Variants in SLC24A3 observed in about 807,000 individuals in gnomAD.
SLC24A3 encodes the protein solute carrier family 24 member 3.
In SLC24A3, 28 loss-of-function variants were observed where a neutral mutation model predicts 75.8. The ratio of observed to expected loss-of-function variants is 0.37; its 90% CI spans 0.27 to 0.51. The LOEUF (loss-of-function observed/expected upper bound fraction) is 0.51, where lower values mean the gene tolerates loss of function less well. SLC24A3 is among the 20% of genes least tolerant of loss of function. The pLI, the probability that SLC24A3 is intolerant of heterozygous loss-of-function variation, is 0.94. For missense variants in SLC24A3, 663 were observed against 847.8 expected (o/e 0.78, Z 2.71); for synonymous variants, 372 against 334.1 (o/e 1.11, Z -1.24).
chr20:19,450,879 G>A (rs1376089467), intron 2 of SLC24A3, among the ~76,000 whole-genome samples: 1 of 152,094 alleles, frequency 6.6e-6, no homozygotes, highest in Admixed American at 6.5e-5. Flanking sequence ...CACACCTGTA[G>A]CCCCAGCTAC....
intron 2 of SLC24A3, among the ~76,000 whole-genome samples, chr20:19,458,494 T>A (rs1176164236): frequency 3.3e-5 from 5 of 152,224 alleles, no homozygotes; most frequent in Non-Finnish European, 7.3e-5. Context: ...CTTGCAAAAC[T>A]GAAACTCATC....
chr20:19,588,517 T>C (rs962555132), intron 6 of SLC24A3, among the ~76,000 whole-genome samples: 12 of 152,240 alleles, frequency 7.9e-5, no homozygotes, highest in African/African-American at 2.7e-4. Context: ...TTTGCAAACA[T>C]AACCCTCGCT....
At chr20:19,248,005 C>T (rs1331649617) in intron 1 of SLC24A3, among the ~76,000 whole-genome samples, 1 of 152,102 alleles carries the variant, frequency 6.6e-6, no homozygotes, top group Non-Finnish European at 1.5e-5. Context: ...CATGGAGAAA[C>T]CCATCCTTTA....
intron 2 of SLC24A3, among the ~76,000 whole-genome samples, chr20:19,484,098 A>G (rs1014235155): frequency 2.3e-4 from 35 of 152,336 alleles, no homozygotes; most frequent in African/African-American, 7.7e-4. Flanking sequence ...CCAAAAGATA[A>G]ATGGATAAAT....
chr20:19,639,525 T>A (rs1470988896), intron 6 of SLC24A3, among the ~76,000 whole-genome samples: 1 of 152,186 alleles, frequency 6.6e-6, no homozygotes, highest in Non-Finnish European at 1.5e-5. Flanking sequence ...ACATAAAGGT[T>A]CTCCACGTCC....
chr20:19,707,351 C>A (rs955555291), intron 15 of SLC24A3, among the ~76,000 whole-genome samples: 3 of 152,182 alleles, frequency 2.0e-5, no homozygotes, highest in African/African-American at 7.2e-5. Flanking sequence ...CAGTGGAAAG[C>A]TAAGCAAGAG....
At position 19,342,016 on chromosome 20, in the gene SLC24A3, G is replaced by C. The variant is rs374810563; in HGVS notation, c.271+60929G>C. Reference sequence around the variant, plus strand: ...AGATAGCATTAAAAGCACTTTAATAGTTTATAAAATACTAGTTGTTGTTAT... The same window carrying C: ...AGATAGCATTAAAAGCACTTTAATACTTTATAAAATACTAGTTGTTGTTAT... On this transcript the variant is annotated intron_variant, in intron 2 of 16. Transcript: ENST00000328041. Among the ~76,000 whole-genome samples, 58 of 152,298 alleles carry C rather than the reference G, an allele frequency of 3.8e-4. No homozygotes were observed. In the South Asian group the frequency reaches 0.011, roughly 30 times the overall value.
chr20:19,557,555 A>G (rs1437190356), intron 3 of SLC24A3, among the ~76,000 whole-genome samples: 2 of 152,200 alleles, frequency 1.3e-5, no homozygotes, highest in East Asian at 3.9e-4. Flanking sequence ...TTCAGCTCCC[A>G]TAAGCCGTCT....
chr20:19,678,507 G>C, intron 9 of SLC24A3, among the ~76,000 whole-genome samples: 1 of 133,414 alleles, frequency 7.5e-6, no homozygotes. Flanking sequence ...CTGGCCGGGC[G>C]GGGGGCTGAC....
chr20:19,526,871 C>A (rs138777273), intron 3 of SLC24A3, among the ~76,000 whole-genome samples: 326 of 152,284 alleles, frequency 2.1e-3, no homozygotes, highest in Non-Finnish European at 2.7e-3. Flanking sequence ...CAATCCATGC[C>A]AGATGCTTTG....
chr20:19,493,531 C>T (rs1177278230), intron 2 of SLC24A3, among the ~76,000 whole-genome samples: 3 of 152,152 alleles, frequency 2.0e-5, no homozygotes, highest in Non-Finnish European at 2.9e-5. Flanking sequence ...CTTCAACCAG[C>T]ATTTATTGAC....
Position 19,693,385 on chromosome 20 carries a change from C to G in SLC24A3, c.1451C>G (p.Thr484Arg). Residue 484 changes from threonine (T) to arginine (R), a missense_variant, in exon 13 of 17, where the codon ACG (threonine) becomes AGG (arginine). Thr to Arg is a moderately conservative substitution (Grantham distance 71). Around this residue, in one of 2 missense-constraint regions of SLC24A3, gnomAD observed 510 missense variants for 703.6 expected, o/e 0.72. Coordinates refer to ENST00000328041, the MANE Select transcript of SLC24A3 (RefSeq NM_020689.4). ...TTCATGGTGACGTTTGCTTCCTCCA[C>G]GCTGTGGATCGCAGCCTTCTCCTAC... ...KWFMVTFASS[T>R]LWIAAFSYMM... 6.2e-7 allele frequency: 1 copy of G among 1,614,148 alleles called. No individual in the cohort carries two copies. Among genetic ancestry groups the G allele is most frequent in the Admixed American group, 1.7e-5 (1 of 60,022 alleles).
At chr20:19,442,561 C>T (rs1174368476) in intron 2 of SLC24A3, among the ~76,000 whole-genome samples, 11 of 152,010 alleles carry the variant, frequency 7.2e-5, no homozygotes, top group South Asian at 4.1e-4. Context: ...GGGTTGTTTG[C>T]GTATTGTTGA....
At chr20:19,668,717 GAC>G (rs1483359413) in intron 8 of SLC24A3, among the ~76,000 whole-genome samples, 4 of 152,206 alleles carry the variant, frequency 2.6e-5, no homozygotes, top group African/African-American at 7.2e-5. Context: ...AATGGTGGTT[GAC>G]AGTTAGTCAG....
intron 2 of SLC24A3, among the ~76,000 whole-genome samples, chr20:19,304,426 G>A (rs1984271082): frequency 6.6e-6 from 1 of 152,224 alleles, no homozygotes; most frequent in South Asian, 2.1e-4. Flanking sequence ...CCTGAGCCTG[G>A]GAGTCCCTAC....
chr20:19,383,048 G>C (rs907368993), intron 2 of SLC24A3, among the ~76,000 whole-genome samples: 1 of 152,162 alleles, frequency 6.6e-6, no homozygotes, highest in African/African-American at 2.4e-5. Context: ...TCTGATTCTC[G>C]AAGTGCAAGT....
chr20:19,702,242 A>T (rs1175356411), intron 15 of SLC24A3, among the ~76,000 whole-genome samples: 1 of 152,226 alleles, frequency 6.6e-6, no homozygotes, highest in African/African-American at 2.4e-5. Context: ...TTCTTCTATC[A>T]GTAATTCCCA....
At chr20:19,325,851 G>A (rs1984848283) in intron 2 of SLC24A3, among the ~76,000 whole-genome samples, 1 of 137,326 alleles carries the variant, frequency 7.3e-6, no homozygotes, top group Admixed American at 7.4e-5. Flanking sequence ...GAGACATCTG[G>A]AGGAGGGGGA....
At chr20:19,264,172 A>T (rs916476345) in intron 1 of SLC24A3, 1 of 152,246 alleles carries the variant, frequency 6.6e-6, no homozygotes, top group African/African-American at 2.4e-5. Flanking sequence ...AAAAAAAAAA[A>T]AAAATTATCC....
Sources: gnomAD v4.1 joint callset for allele counts (sites outside exome capture counted in the v4.1 genomes callset) on GRCh38, gnomAD v4.1.1 for gene constraint, gnomAD v4.1.1 regional missense constraint, MANE v1.5 for transcripts, NCBI Gene and HGNC (gene_info 2026-07-23, HGNC 2026-07-21) for gene names.